Variants in LRRN1 observed in about 807,000 individuals in gnomAD.
LRRN1 encodes leucine-rich repeat neuronal protein 1.
LRRN1 carries 14 observed loss-of-function variants against 45.8 expected under a neutral mutation model. The observed-to-expected ratio is 0.31, with a 90% confidence interval of 0.20 to 0.48. LRRN1 has a LOEUF of 0.48. Ranked by LOEUF, LRRN1 falls within the 20% of genes least tolerant of loss-of-function variation. The pLI, the probability that LRRN1 is intolerant of heterozygous loss-of-function variation, is 0.99. For missense variants in LRRN1, 789 were observed against 874.2 expected (o/e 0.90, Z 1.23); for synonymous variants, 359 against 330.1 (o/e 1.09, Z -0.95).
chr3:3,826,477 C>A (rs1693218185), intron 1 of LRRN1, among the ~76,000 whole-genome samples: 1 of 152,084 alleles, frequency 6.6e-6, no homozygotes, highest in Non-Finnish European at 1.5e-5. Context: ...TGTTGCCTGG[C>A]CTATTGAGAT....
At position 3,799,852 on chromosome 3, in the gene LRRN1, TG is replaced by T. The variant is rs1692604928; in HGVS notation, c.-345del. The T allele has an allele frequency of 6.1e-6, 1 of 163,244 alleles. No individual in the cohort carries two copies. The highest frequency in any genetic ancestry group is 2.4e-5 in the African/African-American group (1 of 41,516). The allele number at this position is 163,244 out of a possible 1,614,324, so 10.1% of individuals were successfully genotyped here. A position where few individuals can be genotyped will look rare whatever the true frequency, so the allele number is the denominator to read the frequency against. On this transcript the variant is annotated 5_prime_UTR_variant, in exon 1 of 2. Coordinates refer to ENST00000319331, the MANE Select transcript of LRRN1 (RefSeq NM_020873.7). ...GTCTTTCTCCTCCTCCTGCTGCTGC[TG>T]CCGCCGCCGCCGCCGTGGGTGCCGG...
chr3:3,825,308 C>A (rs1339541310), intron 1 of LRRN1, among the ~76,000 whole-genome samples: 3 of 152,142 alleles, frequency 2.0e-5, no homozygotes. Flanking sequence ...GACTTGGAGA[C>A]CAGCTGCGCC....
chr3:3,828,589 T>A (rs907319351), intron 1 of LRRN1, among the ~76,000 whole-genome samples: 3 of 151,878 alleles, frequency 2.0e-5, no homozygotes, highest in Non-Finnish European at 2.9e-5. Context: ...TGAACACACA[T>A]CTCCTGAGAT....
chr3:3,844,930 T>C lies in LRRN1; in HGVS notation c.289T>C (p.Leu97=), dbSNP rs1693729355. 2 of 1,614,004 alleles carry C rather than the reference T, an allele frequency of 1.2e-6. No homozygotes were observed. The highest frequency in any genetic ancestry group is 2.7e-5 in the African/African-American group (2 of 74,924). ...TVDELQQLFN[L]TELDFSQNNF... ...GGATGAGCTGCAGCAGCTTTTCAACTTGACTGAACTAGATTTCTCCCAAAA... is the reference window on the plus strand; with the variant it reads ...GGATGAGCTGCAGCAGCTTTTCAACCTGACTGAACTAGATTTCTCCCAAAA... The change falls in exon 2 of 2, where the codon TTG becomes CTG. Residue 97 remains leucine, a synonymous_variant. Coordinates refer to ENST00000319331, the MANE Select transcript of LRRN1 (RefSeq NM_020873.7).
intron 1 of LRRN1, among the ~76,000 whole-genome samples, chr3:3,802,515 G>A (rs1692676032): frequency 6.6e-6 from 1 of 152,168 alleles, no homozygotes. Context: ...AGTGTTTCGG[G>A]GGAGGGGTGG....
At chr3:3,830,244 G>A (rs1559299277) in intron 1 of LRRN1, among the ~76,000 whole-genome samples, 1 of 152,280 alleles carries the variant, frequency 6.6e-6, no homozygotes, top group East Asian at 1.9e-4. Flanking sequence ...CACAGTTTTT[G>A]ACCACTCAGG....
intron 1 of LRRN1, chr3:3,827,115 G>C (rs1171863722): frequency 6.0e-6 from 1 of 165,724 alleles, no homozygotes; most frequent in African/African-American, 2.4e-5. Flanking sequence ...CCATGTGCCA[G>C]GCCCTCTGCC....
At chr3:3,804,346 C>T (rs748782102) in intron 1 of LRRN1, among the ~76,000 whole-genome samples, 5 of 152,188 alleles carry the variant, frequency 3.3e-5, no homozygotes, top group African/African-American at 4.8e-5. Context: ...TAAGCCATGC[C>T]TCCAGTACCA....
chr3:3,822,038 T>G (rs555157963), intron 1 of LRRN1, among the ~76,000 whole-genome samples: 3 of 152,288 alleles, frequency 2.0e-5, no homozygotes, highest in African/African-American at 7.2e-5. Flanking sequence ...AGCGATGCGA[T>G]TTGGGTTCTG....
chr3:3,823,661 AAG>A (rs1339490314), intron 1 of LRRN1, among the ~76,000 whole-genome samples: 7 of 152,160 alleles, frequency 4.6e-5, no homozygotes, highest in African/African-American at 7.2e-5. Flanking sequence ...GCCCATCAAA[AAG>A]AGGGGGAAAC....
chr3:3,842,851 G>A (rs1348921616), intron 1 of LRRN1, among the ~76,000 whole-genome samples: 1 of 152,180 alleles, frequency 6.6e-6, no homozygotes, highest in African/African-American at 2.4e-5. Context: ...TTTTACACCT[G>A]ATTGGAATGC....
At chr3:3,806,110 T>C (rs1047945839) in intron 1 of LRRN1, among the ~76,000 whole-genome samples, 10 of 152,258 alleles carry the variant, frequency 6.6e-5, no homozygotes, top group Middle Eastern at 3.4e-3. Flanking sequence ...ATGAGGGTGT[T>C]ATACCGGCAT....
rs772456369 is a variant in LRRN1, at chr3:3,816,953, G to GTGAT, written c.-279+17051_-279+17054dup. Reference sequence around the variant, plus strand: ...CAGAGAAAGAGAATGAATAGGATGGGTGATTGATTGATTGATTGATAAGAT... The same window carrying GTGAT: ...CAGAGAAAGAGAATGAATAGGATGGGTGATTGATTGATTGATTGATTGATAAGAT... On this transcript the variant is annotated intron_variant, in intron 1 of 1. Coordinates refer to ENST00000319331, the MANE Select transcript of LRRN1 (RefSeq NM_020873.7). The surrounding 1 kb of genome is among the most constrained non-coding windows in gnomAD (Gnocchi z 4.0). 5.3e-5 allele frequency among the ~76,000 whole-genome samples: 8 copies of GTGAT among 152,138 alleles called. No individual in the cohort carries two copies. In the South Asian group the frequency reaches 6.2e-4, roughly 12 times the overall value.
intron 1 of LRRN1, among the ~76,000 whole-genome samples, chr3:3,834,933 G>A (rs762306720): frequency 5.3e-5 from 8 of 152,054 alleles, no homozygotes; most frequent in Non-Finnish European, 8.8e-5. Flanking sequence ...CACCCTCACA[G>A]ACACAACCGG....
At chr3:3,834,527 T>G (rs6797013) in intron 1 of LRRN1, among the ~76,000 whole-genome samples, 36 of 66,570 alleles carry the variant, frequency 5.4e-4, no homozygotes, top group African/African-American at 2.2e-3. Context: ...CAGAACAGGA[T>G]ATATATATAT....
intron 1 of LRRN1, among the ~76,000 whole-genome samples, chr3:3,800,549 C>T (rs996299750): frequency 1.3e-5 from 2 of 151,794 alleles, no homozygotes; most frequent in African/African-American, 4.8e-5. Flanking sequence ...GGGGACAGAC[C>T]TCAGCCCGTG....
intron 1 of LRRN1, among the ~76,000 whole-genome samples, chr3:3,814,737 A>G (rs1031888676): frequency 2.0e-5 from 3 of 152,128 alleles, no homozygotes; most frequent in South Asian, 2.1e-4. Context: ...ACACAGCCTC[A>G]GTTTTGTCTT....
chr3:3,829,280 A>G (rs913352967), intron 1 of LRRN1, among the ~76,000 whole-genome samples: 3 of 152,072 alleles, frequency 2.0e-5, no homozygotes, highest in Admixed American at 6.6e-5. Context: ...AGGGAGCCCA[A>G]AGTGTCCAGG....
chr3:3,811,182 T>G (rs9850004), intron 1 of LRRN1, among the ~76,000 whole-genome samples: 30,807 of 152,136 alleles, frequency 0.2, 4,568 homozygotes, highest in East Asian at 0.43. Context: ...AAAAAAACCC[T>G]AGACAAGGAT....
Sources: gnomAD v4.1 joint callset for allele counts (sites outside exome capture counted in the v4.1 genomes callset) on GRCh38, gnomAD v4.1.1 for gene constraint, Gnocchi (gnomAD v3.1) non-coding constraint, MANE v1.5 for transcripts, NCBI Gene and HGNC (gene_info 2026-07-23, HGNC 2026-07-21) for gene names.